ELAVL2: variants seen among roughly 807,000 people sequenced by gnomAD.
ELAVL2 encodes ELAV like RNA binding protein 2.
A neutral mutation model predicts 34.6 loss-of-function variants in ELAVL2; 4 were observed. The observed-to-expected ratio is 0.12, with a 90% confidence interval of 0.06 to 0.26. The LOEUF is 0.26. ELAVL2 is among the 10% of genes least tolerant of loss of function. The pLI, the probability that ELAVL2 is intolerant of heterozygous loss-of-function variation, is 1.00. For missense variants in ELAVL2, 432 were observed against 442.8 expected (o/e 0.98, Z 0.22); for synonymous variants, 193 against 154.8 (o/e 1.25, Z -1.83).
intron 5 of ELAVL2, among the ~76,000 whole-genome samples, chr9:23,694,728 C>T (rs1303482037): frequency 6.6e-6 from 1 of 152,204 alleles, no homozygotes; most frequent in African/African-American, 2.4e-5. Flanking sequence ...AATATATAGC[C>T]TCCCACATCC....
intron 1 of ELAVL2, among the ~76,000 whole-genome samples, chr9:23,804,006 T>A (rs981619622): frequency 6.6e-6 from 1 of 152,122 alleles, no homozygotes; most frequent in Non-Finnish European, 1.5e-5. Flanking sequence ...ACAGCTCATA[T>A]GTAGGAAAAG....
chr9:23,817,068 T>C (rs1476407464), intron 1 of ELAVL2, among the ~76,000 whole-genome samples: 1 of 152,170 alleles, frequency 6.6e-6, no homozygotes, highest in African/African-American at 2.4e-5. Flanking sequence ...CCTATCATTT[T>C]ACTGTTACTG....
intron 1 of ELAVL2, among the ~76,000 whole-genome samples, chr9:23,817,982 T>C (rs532166390): frequency 7.9e-5 from 12 of 152,342 alleles, no homozygotes; most frequent in African/African-American, 2.6e-4. Flanking sequence ...CCTTAAATAA[T>C]TAACTAGCAC....
At chr9:23,697,593 A>G (rs1333208885) in intron 5 of ELAVL2, among the ~76,000 whole-genome samples, 1 of 152,172 alleles carries the variant, frequency 6.6e-6, no homozygotes, top group Non-Finnish European at 1.5e-5. Flanking sequence ...GTGTATAAAC[A>G]TTTTTCTATC....
intron 1 of ELAVL2, among the ~76,000 whole-genome samples, chr9:23,817,669 A>G (rs75767024): frequency 6.6e-6 from 1 of 152,140 alleles, no homozygotes; most frequent in Admixed American, 6.5e-5. Context: ...GCTTAGAGAT[A>G]AAAAAAATTC....
chr9:23,704,781 G>T, intron 4 of ELAVL2, 137 bp downstream of exon 4: 1 of 1,067,988 alleles, frequency 9.4e-7, no homozygotes, highest in Non-Finnish European at 1.4e-6. Flanking sequence ...AACAATTCCA[G>T]CAGAAAATTG....
At chr9:23,847,109 A>G in the ELAVL2 span, among the ~76,000 whole-genome samples, 1 of 152,184 alleles carries the variant, frequency 6.6e-6, no homozygotes, top group Non-Finnish European at 1.5e-5. Flanking sequence ...GGTAGACAAT[A>G]CATGTTAACT....
chr9:23,842,487 A>G, the ELAVL2 span, among the ~76,000 whole-genome samples: 4 of 152,104 alleles, frequency 2.6e-5, no homozygotes, highest in Non-Finnish European at 5.9e-5. Flanking sequence ...CTCAAGGCTT[A>G]AGTGACCTGA....
At chr9:23,745,556 AC>A (rs1429021174) in intron 2 of ELAVL2, among the ~76,000 whole-genome samples, 3 of 152,164 alleles carry the variant, frequency 2.0e-5, no homozygotes, top group East Asian at 1.9e-4. Flanking sequence ...GGGAAAAAAA[AC>A]ATACTGTAAT....
In ELAVL2 at chr9:23,779,324, C is replaced by CA. The variant is rs1163129844; in HGVS notation, c.-15-17076dup. Reference sequence around the variant, plus strand: ...CTGGCAAAGTGGGCAGACAGAGGAACAAAGGCAATTCCAGGGCCTGCAGAA... The same window carrying CA: ...CTGGCAAAGTGGGCAGACAGAGGAACAAAAGGCAATTCCAGGGCCTGCAGAA... On this transcript the variant is annotated intron_variant, in intron 1 of 6. Transcript: ENST00000397312. The CA allele has an allele frequency of 1.4e-5, 14 of 985,386 alleles. No individual in the cohort carries two copies. The East Asian group carries it at 1.5e-3, about 104-fold the overall frequency. 61.0% of individuals were successfully genotyped at this position (985,386 alleles called of 1,614,324 possible).
chr9:23,693,523 T>C, intron 5 of ELAVL2, 37 bp from the exon 6 acceptor site: 1 of 1,613,600 alleles, frequency 6.2e-7, no homozygotes, highest in Non-Finnish European at 8.5e-7. Flanking sequence ...CAGTTTTTAA[T>C]TTTTCCCCTT....
At chr9:23,700,283 G>T (rs530303638) in intron 5 of ELAVL2, among the ~76,000 whole-genome samples, 1 of 152,116 alleles carries the variant, frequency 6.6e-6, no homozygotes, top group South Asian at 2.1e-4. Flanking sequence ...GGCCAAAAAG[G>T]ATATTTAAAA....
chr9:23,768,768 C>T (rs887741188), intron 1 of ELAVL2, among the ~76,000 whole-genome samples: 2 of 152,094 alleles, frequency 1.3e-5, no homozygotes, highest in Admixed American at 6.6e-5. Context: ...TGGATATGGG[C>T]ATGTGGAATT....
the ELAVL2 span, among the ~76,000 whole-genome samples, chr9:23,841,873 T>G: frequency 6.6e-6 from 1 of 152,278 alleles, no homozygotes; most frequent in African/African-American, 2.4e-5. Context: ...TTCTAGTAAA[T>G]TATACAAATG....
At chr9:23,726,960 A>T (rs1587772733) in intron 3 of ELAVL2, among the ~76,000 whole-genome samples, 1 of 151,280 alleles carries the variant, frequency 6.6e-6, no homozygotes, top group Admixed American at 6.6e-5. Context: ...TTGGAGAAAA[A>T]CCTCTCTTCT....
chr9:23,734,541 A>G (rs1296060267), intron 2 of ELAVL2, among the ~76,000 whole-genome samples: 3 of 152,210 alleles, frequency 2.0e-5, no homozygotes, highest in Admixed American at 2.0e-4. Context: ...GACTTCAGGC[A>G]TATTGCGTAT....
At chr9:23,823,438 C>T (rs1307712004) in intron 1 of ELAVL2, among the ~76,000 whole-genome samples, 1 of 152,204 alleles carries the variant, frequency 6.6e-6, no homozygotes, top group East Asian at 1.9e-4. Flanking sequence ...CTTCTTCCTA[C>T]AACCGTAGCG....
At chr9:23,814,613 T>C (rs184806326) in intron 1 of ELAVL2, among the ~76,000 whole-genome samples, 23 of 152,204 alleles carry the variant, frequency 1.5e-4, no homozygotes, top group Admixed American at 2.0e-4. Context: ...AATCAGTAAA[T>C]AGCACCTGGG....
intron 5 of ELAVL2, among the ~76,000 whole-genome samples, chr9:23,699,307 C>T (rs1029101552): frequency 7.2e-5 from 11 of 152,170 alleles, no homozygotes; most frequent in Admixed American, 5.9e-4. Context: ...TTTCAATAAT[C>T]AGGCACTCTC....
Sources: gnomAD v4.1 joint callset for allele counts (sites outside exome capture counted in the v4.1 genomes callset) on GRCh38, gnomAD v4.1.1 for gene constraint, MANE v1.5 for transcripts, NCBI Gene and HGNC (gene_info 2026-07-23, HGNC 2026-07-21) for gene names.